Variants in MYO1E observed in about 807,000 individuals in gnomAD.
MYO1E encodes the protein unconventional myosin-Ie.
A neutral mutation model predicts 151.1 loss-of-function variants in MYO1E; 68 were observed. The ratio of observed to expected loss-of-function variants is 0.45; its 90% CI spans 0.37 to 0.55. MYO1E has a LOEUF of 0.55. Among genes scored for constraint, MYO1E ranks in the 20% least tolerant of loss-of-function variants. MYO1E has a pLI of 0.00. For synonymous variants in MYO1E, 601 were observed against 501.7 expected, an observed-to-expected ratio of 1.20 and a Z score of -2.64; for missense variants, 1,363 against 1,389.3, an observed-to-expected ratio of 0.98 and a Z score of 0.30.
At chr15:59,346,512 T>C (rs2080794972) in intron 1 of MYO1E, among the ~76,000 whole-genome samples, 1 of 152,230 alleles carries the variant, frequency 6.6e-6, no homozygotes, top group Non-Finnish European at 1.5e-5. Context: ...TATGACATGA[T>C]ATCCATTAAA....
At chr15:59,297,562 C>A (rs554854391) in intron 1 of MYO1E, among the ~76,000 whole-genome samples, 2 of 151,208 alleles carry the variant, frequency 1.3e-5, no homozygotes, top group South Asian at 4.2e-4. Context: ...GGATAAAAAG[C>A]CACCATGTCT....
chr15:59,137,051 G>T lies in MYO1E; in HGVS notation c.*329C>A. On this transcript the variant is annotated 3_prime_UTR_variant, in exon 28 of 28. Transcript: ENST00000288235. ...ATTCTCTAGGCCTGGTGAGCAAGCA[G>T]GGTGCTGTTTTGATAGAAGCCTACA... 2.5e-6 allele frequency: 1 copy of T among 402,094 alleles called. No individual in the cohort carries two copies. The highest frequency in any genetic ancestry group is 4.7e-6 in the Non-Finnish European group (1 of 211,006). 24.9% of individuals were successfully genotyped at this position (402,094 alleles called of 1,614,324 possible). A position where few individuals can be genotyped will look rare whatever the true frequency, so the allele number is the denominator to read the frequency against.
At chr15:59,177,046 C>T (rs1377902033) in intron 19 of MYO1E, among the ~76,000 whole-genome samples, 1 of 152,086 alleles carries the variant, frequency 6.6e-6, no homozygotes, top group African/African-American at 2.4e-5. Context: ...ATATGAAAAC[C>T]TCACAAGTTG....
intron 1 of MYO1E, among the ~76,000 whole-genome samples, chr15:59,280,416 G>C (rs1322822023): frequency 2.0e-5 from 3 of 152,134 alleles, no homozygotes; most frequent in African/African-American, 7.2e-5. Flanking sequence ...CTTGAGGTCA[G>C]GAGTTCAAGA....
chr15:59,196,576 C>A (rs1185821477), intron 16 of MYO1E, among the ~76,000 whole-genome samples: 1 of 152,226 alleles, frequency 6.6e-6, no homozygotes, highest in East Asian at 1.9e-4. Context: ...CAAGACACAA[C>A]CCTGTCTCAA....
At chr15:59,268,062 A>C (rs1404827517) in intron 2 of MYO1E, among the ~76,000 whole-genome samples, 1 of 152,220 alleles carries the variant, frequency 6.6e-6, no homozygotes, top group Admixed American at 6.5e-5. Context: ...CAATTTTATA[A>C]CTCAATGTGA....
intron 16 of MYO1E, among the ~76,000 whole-genome samples, chr15:59,201,833 G>T (rs2140333819): frequency 6.6e-6 from 1 of 152,310 alleles, no homozygotes; most frequent in Middle Eastern, 3.4e-3. Flanking sequence ...ACACCATGTG[G>T]CTAGATGTGT....
At chr15:59,213,352 G>A in intron 12 of MYO1E, among the ~76,000 whole-genome samples, 1 of 151,776 alleles carries the variant, frequency 6.6e-6, no homozygotes, top group East Asian at 1.9e-4. Context: ...TGTATTTTTA[G>A]TAGAGACGGG....
At chr15:59,151,423 C>T (rs2140305661) in intron 26 of MYO1E, among the ~76,000 whole-genome samples, 1 of 151,988 alleles carries the variant, frequency 6.6e-6, no homozygotes, top group Middle Eastern at 3.4e-3. Flanking sequence ...AACAAGACTC[C>T]ATCTCAAACA....
chr15:59,236,363 A>AAAAT lies in MYO1E; in HGVS notation c.420+221_420+222insATTT, dbSNP rs1387709265. ...TCTGTCTCAAAAAAGAAAAAAAAAAAATATATACACACACACACACACACA... is the reference window on the plus strand; with the variant it reads ...TCTGTCTCAAAAAAGAAAAAAAAAAAAAATATATATACACACACACACACACACA... On this transcript the variant is annotated intron_variant, in intron 5 of 27. Transcript: ENST00000288235. Among the ~76,000 whole-genome samples the AAAAT allele has an allele frequency of 3.6e-3, 217 of 60,802 alleles. 6 individuals are homozygous for AAAAT. The highest frequency in any genetic ancestry group is 9.7e-3 in the African/African-American group (205 of 21,070). 39.9% of individuals were successfully genotyped at this position (60,802 alleles called of 152,430 possible). A position where few individuals can be genotyped will look rare whatever the true frequency, so the allele number is the denominator to read the frequency against.
intron 1 of MYO1E, among the ~76,000 whole-genome samples, chr15:59,339,253 G>C (rs1030629138): frequency 1.3e-5 from 2 of 152,118 alleles, no homozygotes. Flanking sequence ...CTCTCCACTG[G>C]TTCTAATGGA....
intron 1 of MYO1E, among the ~76,000 whole-genome samples, chr15:59,323,652 C>A (rs2080642900): frequency 1.3e-5 from 2 of 151,024 alleles, no homozygotes; most frequent in Non-Finnish European, 3.0e-5. Context: ...TGAGACTCCG[C>A]CTCAAAAAAG....
chr15:59,349,320 T>C (rs2080811096), intron 1 of MYO1E, among the ~76,000 whole-genome samples: 1 of 152,218 alleles, frequency 6.6e-6, no homozygotes, highest in Non-Finnish European at 1.5e-5. Context: ...ATACTGCATA[T>C]GAAATGGATA....
intron 12 of MYO1E, among the ~76,000 whole-genome samples, chr15:59,213,006 C>G (rs145306349): frequency 6.6e-6 from 1 of 152,060 alleles, no homozygotes. Flanking sequence ...AGACTCTGGG[C>G]TCCACAACTG....
At chr15:59,151,080 G>A (rs549180893) in intron 26 of MYO1E, among the ~76,000 whole-genome samples, 1 of 151,560 alleles carries the variant, frequency 6.6e-6, no homozygotes, top group African/African-American at 2.4e-5. Flanking sequence ...CTTAGAGAGA[G>A]GTCTACATAA....
chr15:59,224,537 A>C, intron 8 of MYO1E, 152 bp downstream of exon 8: 1 of 1,025,744 alleles, frequency 9.7e-7, no homozygotes, highest in Non-Finnish European at 1.5e-6. Context: ...GTTTAAGGAT[A>C]CTGAAACATG....
At chr15:59,258,473 T>C (rs1318268936) in intron 3 of MYO1E, among the ~76,000 whole-genome samples, 3 of 152,252 alleles carry the variant, frequency 2.0e-5, no homozygotes, top group South Asian at 2.1e-4. Context: ...TTGGCCACCT[T>C]TGATTGGCCA....
intron 4 of MYO1E, among the ~76,000 whole-genome samples, chr15:59,248,759 G>C (rs775505702): frequency 7.9e-5 from 12 of 152,154 alleles, no homozygotes; most frequent in Non-Finnish European, 1.5e-4. Flanking sequence ...CTGCAGACTA[G>C]AGCAACACCC....
chr15:59,261,104 T>C (rs1280953293), intron 3 of MYO1E, among the ~76,000 whole-genome samples: 1 of 151,958 alleles, frequency 6.6e-6, no homozygotes, highest in Non-Finnish European at 1.5e-5. Flanking sequence ...TCTCAGCTAC[T>C]TGGGAGGCTG....
Sources: allele counts gnomAD v4.1 joint callset (sites outside exome capture counted in the v4.1 genomes callset), GRCh38; gene constraint gnomAD v4.1.1; transcripts MANE v1.5; gene names NCBI Gene and HGNC (gene_info 2026-07-23, HGNC 2026-07-21).